Variants in ITPR2 observed in about 807,000 individuals in gnomAD.
The protein encoded by ITPR2 is inositol 1,4,5-trisphosphate-gated calcium channel ITPR2.
A neutral mutation model predicts 317.1 loss-of-function variants in ITPR2; 207 were observed. The observed-to-expected ratio is 0.65, with a 90% CI of 0.58 to 0.73. The LOEUF is 0.73. ITPR2 is among the 30% of genes least tolerant of loss of function. The pLI, the probability that ITPR2 is intolerant of heterozygous loss-of-function variation, is 0.00. For synonymous variants in ITPR2, 1,156 were observed against 1,149.1 expected (o/e 1.01, Z -0.12); for missense variants, 2,613 against 3,284.0 (o/e 0.80, Z 4.99).
At chr12:26,802,411 GC>G (rs766910549) in intron 1 of ITPR2, among the ~76,000 whole-genome samples, 10 of 151,998 alleles carry the variant, frequency 6.6e-5, no homozygotes, top group Non-Finnish European at 1.5e-5. Context: ...ACTTTGCGAG[GC>G]CGAGGCAGGA....
At chr12:26,342,208 A>AAGG (rs1938138350) in intron 55 of ITPR2, among the ~76,000 whole-genome samples, 1 of 152,102 alleles carries the variant, frequency 6.6e-6, no homozygotes. Flanking sequence ...GAAGATCAAT[A>AAGG]GAGTGGTGGT....
intron 2 of ITPR2, among the ~76,000 whole-genome samples, chr12:26,778,021 G>C (rs1950007081): frequency 6.6e-6 from 1 of 152,204 alleles, no homozygotes; most frequent in Admixed American, 6.5e-5. Flanking sequence ...CAGGCAATTA[G>C]TGGAGTTTTA....
In ITPR2 at chr12:26,469,902, T is replaced by C. The variant is rs905292757; in HGVS notation, c.6342+5394A>G. On this transcript the variant is annotated intron_variant, in intron 45 of 56. Transcript: ENST00000381340. ...CTGCCAACTTTTAAAAGTTAGGAGATTCCACATTTTCACAAAATTTCAAAA... is the reference window on the plus strand; with the variant it reads ...CTGCCAACTTTTAAAAGTTAGGAGACTCCACATTTTCACAAAATTTCAAAA... Among the ~76,000 whole-genome samples the C allele has an allele frequency of 2.0e-5, 3 of 152,314 alleles. No individual in the cohort carries two copies. In the East Asian group the frequency reaches 5.8e-4, roughly 29 times the overall value.
intron 54 of ITPR2, among the ~76,000 whole-genome samples, chr12:26,394,094 C>A (rs1393840485): frequency 6.6e-6 from 1 of 152,122 alleles, no homozygotes; most frequent in Admixed American, 6.5e-5. Context: ...AAGCCTCGTG[C>A]TAGAGATTTT....
chr12:26,483,303 A>C (rs192998928), intron 42 of ITPR2, among the ~76,000 whole-genome samples: 75 of 152,350 alleles, frequency 4.9e-4, no homozygotes, highest in Admixed American at 4.7e-3. Flanking sequence ...CAAACTAGAA[A>C]TAATGATACC....
At chr12:26,798,548 C>G (rs1168352946) in intron 1 of ITPR2, among the ~76,000 whole-genome samples, 1 of 152,188 alleles carries the variant, frequency 6.6e-6, no homozygotes, top group African/African-American at 2.4e-5. Context: ...AGTCTTAGAA[C>G]ACATTATTTT....
chr12:26,825,555 A>C (rs75027860), intron 1 of ITPR2, among the ~76,000 whole-genome samples: 2 of 152,188 alleles, frequency 1.3e-5, no homozygotes, highest in East Asian at 3.9e-4. Context: ...CTACCTGTGC[A>C]CAAAGAAAAT....
At chr12:26,339,516 AT>A (rs754427599) in intron 56 of ITPR2, 33 bp from the exon 57 acceptor site, 2 of 1,580,824 alleles carry the variant, frequency 1.3e-6, no homozygotes, top group Non-Finnish European at 1.7e-6. Flanking sequence ...TGTTCAGCGG[AT>A]TTTCTCACTC....
At chr12:26,617,095 A>G (rs1946389162) in intron 26 of ITPR2, among the ~76,000 whole-genome samples, 1 of 152,200 alleles carries the variant, frequency 6.6e-6, no homozygotes, top group Non-Finnish European at 1.5e-5. Flanking sequence ...CAGAAGTTAT[A>G]AACAAATTTT....
chr12:26,383,641 G>A lies in ITPR2; in HGVS notation c.7857+3793C>T, dbSNP rs911813362. ...TGGGACTACATGTGCCCACCACCAC[G>A]CCTGGCTAATTTTTTTTTTTTTTTT... On this transcript the variant is annotated intron_variant, in intron 55 of 56. Transcript: ENST00000381340. Among the ~76,000 whole-genome samples, 3 of 145,176 alleles carry A rather than the reference G, an allele frequency of 2.1e-5. No individual in the cohort carries two copies. In the South Asian group the frequency reaches 6.7e-4, roughly 32 times the overall value.
intron 45 of ITPR2, among the ~76,000 whole-genome samples, chr12:26,459,551 C>T (rs545494947): frequency 2.6e-5 from 4 of 152,326 alleles, no homozygotes; most frequent in East Asian, 3.9e-4. Flanking sequence ...AGCTGCACCT[C>T]GTTTATTGAG....
At chr12:26,580,594 T>G (rs562231468) in intron 32 of ITPR2, among the ~76,000 whole-genome samples, 1 of 152,068 alleles carries the variant, frequency 6.6e-6, no homozygotes, top group Non-Finnish European at 1.5e-5. Flanking sequence ...CTCACTCAAA[T>G]TGGAGGACAC....
intron 1 of ITPR2, among the ~76,000 whole-genome samples, chr12:26,812,177 AG>A (rs1950763485): frequency 6.6e-6 from 1 of 151,500 alleles, no homozygotes; most frequent in East Asian, 1.9e-4. Context: ...AAAAAAAAAA[AG>A]TAAAGAAATA....
chr12:26,480,749 A>G (rs1291459029), intron 43 of ITPR2, among the ~76,000 whole-genome samples: 1 of 152,184 alleles, frequency 6.6e-6, no homozygotes, highest in Non-Finnish European at 1.5e-5. Flanking sequence ...CTGAGGCAGG[A>G]GAATCACTTG....
intron 2 of ITPR2, among the ~76,000 whole-genome samples, chr12:26,767,238 T>A (rs1044216654): frequency 2.0e-5 from 3 of 152,224 alleles, no homozygotes; most frequent in African/African-American, 7.2e-5. Flanking sequence ...CTTGTACTTG[T>A]GTCTTTCCTC....
intron 1 of ITPR2, among the ~76,000 whole-genome samples, chr12:26,812,162 C>CAA (rs531704983): frequency 2.1e-4 from 19 of 90,850 alleles, no homozygotes; most frequent in Admixed American, 3.7e-4. Context: ...GACTCCATCT[C>CAA]AAAAAAAAAA....
intron 55 of ITPR2, among the ~76,000 whole-genome samples, chr12:26,358,088 A>G (rs1232594938): frequency 7.7e-6 from 1 of 130,074 alleles, no homozygotes; most frequent in Non-Finnish European, 1.6e-5. Flanking sequence ...GTCTATGGAT[A>G]AAGAATAAAG....
At chr12:26,613,563 GACAC>G (rs10574347) in intron 26 of ITPR2, among the ~76,000 whole-genome samples, 68 of 148,694 alleles carry the variant, frequency 4.6e-4, no homozygotes, top group African/African-American at 1.3e-3. Context: ...ATCATACACA[GACAC>G]ACACACACAC....
chr12:26,364,731 G>A (rs1938951843), intron 55 of ITPR2, among the ~76,000 whole-genome samples: 1 of 152,168 alleles, frequency 6.6e-6, no homozygotes, highest in African/African-American at 2.4e-5. Flanking sequence ...TGTCCTGCTT[G>A]AAAATCAATT....
Sources: allele counts gnomAD v4.1 joint callset (sites outside exome capture counted in the v4.1 genomes callset), GRCh38; gene constraint gnomAD v4.1.1; transcripts MANE v1.5; gene names NCBI Gene and HGNC (gene_info 2026-07-23, HGNC 2026-07-21).